Variants in RRM2B observed in about 807,000 individuals in gnomAD.
RRM2B encodes ribonucleotide reductase regulatory TP53 inducible subunit M2B, also known as ribonucleoside-diphosphate reductase subunit M2 B.
A neutral mutation model predicts 45.9 loss-of-function variants in RRM2B; 20 were observed. The observed-to-expected ratio is 0.44, with a 90% confidence interval of 0.31 to 0.63. The LOEUF (loss-of-function observed/expected upper bound fraction) is 0.63. Among genes scored for constraint, RRM2B ranks in the 30% least tolerant of loss-of-function variants. The probability of loss-of-function intolerance (pLI) is 0.09; values close to 1 mark genes in which losing one functional copy is unlikely to be tolerated. For missense variants in RRM2B, 320 were observed against 414.7 expected (o/e 0.77, Z 1.98); for synonymous variants, 124 against 132.3 (o/e 0.94, Z 0.43).
Position 102,232,294 on chromosome 8 carries a change from G to C in RRM2B, c.59C>G (p.Ser20Ter). ...CTTTATTTCACTTTCGTTGGTGTCTGAAGATGATCTCTTTGAAAAATAAAG... is the reference window on the plus strand; with the variant it reads ...CTTTATTTCACTTTCGTTGGTGTCTCAAGATGATCTCTTTGAAAAATAAAG... ...AGLDQDERSS[S>*]DTNESEIKSN... The change falls in exon 2 of 9, where the codon TCA becomes TGA. Residue 20 changes from serine to a stop codon, truncating the protein, a stop_gained. Transcript: ENST00000251810. LOFTEE classifies it high-confidence loss of function. The C allele has an allele frequency of 1.9e-6, 3 of 1,613,996 alleles. No homozygotes were observed. The highest frequency in any genetic ancestry group is 2.5e-6 in the Non-Finnish European group (3 of 1,179,884).
At chr8:102,225,244 T>C (rs984706466) in intron 3 of RRM2B, among the ~76,000 whole-genome samples, 8 of 144,174 alleles carry the variant, frequency 5.5e-5, no homozygotes, top group African/African-American at 1.8e-4. Context: ...TTTTTTTTTT[T>C]TTTTTTTTGA....
chr8:102,226,189 G>A (rs1810928824), intron 2 of RRM2B, among the ~76,000 whole-genome samples, 155 bp from the exon 3 acceptor site: 1 of 151,774 alleles, frequency 6.6e-6, no homozygotes, highest in Non-Finnish European at 1.5e-5. Flanking sequence ...AAAAAAAAAA[G>A]TTATGTTAAC....
chr8:102,238,490 G>A, intron 1 of RRM2B: 1 of 1,328,676 alleles, frequency 7.5e-7, no homozygotes, highest in South Asian at 1.3e-5. Context: ...GGTTTCCCTG[G>A]CCAGGGCTCC....
chr8:102,212,687 GT>G (rs1272827110), intron 8 of RRM2B, 88 bp downstream of exon 8: 2 of 752,422 alleles, frequency 2.7e-6, no homozygotes, highest in Non-Finnish European at 4.6e-6. Flanking sequence ...AGAATAGTAT[GT>G]TACAAATGCT....
chr8:102,236,679 G>A (rs72554094), intron 1 of RRM2B, among the ~76,000 whole-genome samples: 160 of 152,322 alleles, frequency 1.1e-3, no homozygotes, highest in African/African-American at 3.7e-3. Context: ...GGTAAGATAG[G>A]AGATAGAGAA....
intron 2 of RRM2B, among the ~76,000 whole-genome samples, chr8:102,226,995 C>T (rs958346741): frequency 6.6e-6 from 1 of 151,678 alleles, no homozygotes; most frequent in African/African-American, 2.4e-5. Context: ...ATTACAGGCA[C>T]GAGCCACCAC....
chr8:102,226,102 A>G, intron 2 of RRM2B, 68 bp from the exon 3 acceptor site: 1 of 916,106 alleles, frequency 1.1e-6, no homozygotes, highest in Non-Finnish European at 1.8e-6. Flanking sequence ...TTGGGAAACT[A>G]ACTTCTATTG....
In RRM2B at chr8:102,208,243, A is replaced by C; in HGVS notation, c.946T>G (p.Ser316Ala). ...ENPFDFMENI[S>A]LEGKTNFFEK... ...AAGAAATTTGTTTTTCCTTCTAAAG[A>C]AATGTTTTCCATAAAATCAAAAGGA... Residue 316 changes from serine to alanine, a missense_variant, in exon 9 of 9, where the codon TCT becomes GCT. Ser to Ala is a moderately conservative substitution (Grantham distance 99). Transcript: ENST00000251810. 2 of 1,591,364 alleles carry C rather than the reference A, an allele frequency of 1.3e-6. No individual in the cohort carries two copies. Among genetic ancestry groups the C allele is most frequent in the Non-Finnish European group, 1.7e-6 (2 of 1,160,174 alleles).
rs28703235 is a variant in RRM2B, at chr8:102,224,319, C to T, written c.456-179G>A. ...GCCTCAGCCTCCCGAGTAGCTAGGA[C>T]GACAGGTGCCCGCCACCACGCCCGG... On this transcript the variant is annotated intron_variant, in intron 4 of 8. Coordinates refer to ENST00000251810, the MANE Select transcript of RRM2B (RefSeq NM_015713.5). Among the ~76,000 whole-genome samples, 739 of 152,058 alleles carry T rather than the reference C, an allele frequency of 4.9e-3. 5 individuals carry two copies. Among genetic ancestry groups the T allele is most frequent in the Middle Eastern group, 0.02 (6 of 294 alleles).
At position 102,212,891 on chromosome 8, in the gene RRM2B, T is replaced by C. The variant is rs1441534206; in HGVS notation, c.790-2A>G. On this transcript the variant is annotated splice_acceptor_variant, in intron 7 of 8. Coordinates refer to ENST00000251810, the MANE Select transcript of RRM2B (RefSeq NM_015713.5). LOFTEE classifies it high-confidence loss of function. ...TGGCAAGGCTTCTGTTAAAAACTCC[T>C]GGGATGAAAACAAAAACAGAATAAA... 1 of 1,510,036 alleles carries C rather than the reference T, an allele frequency of 6.6e-7. No individual in the cohort carries two copies. The highest frequency in any genetic ancestry group is 9.2e-7 in the Non-Finnish European group (1 of 1,085,792). 93.5% of individuals were successfully genotyped at this position (1,510,036 alleles called of 1,614,324 possible).
chr8:102,224,810 G>C (rs1428330116), intron 4 of RRM2B, 75 bp downstream of exon 4: 3 of 1,364,092 alleles, frequency 2.2e-6, no homozygotes, highest in Non-Finnish European at 3.1e-6. Flanking sequence ...CCTTAACATT[G>C]AGTTTTGGAA....
chr8:102,215,045 TAAAAAAAA>T (rs3063793), intron 6 of RRM2B, among the ~76,000 whole-genome samples: 28 of 61,778 alleles, frequency 4.5e-4, no homozygotes, highest in Admixed American at 1.2e-3. Flanking sequence ...AGCTAAATAT[TAAAAAAAA>T]AAAAAAAAAA....
chr8:102,214,217 T>C (rs769210943), intron 6 of RRM2B, 59 bp from the exon 7 acceptor site: 2 of 1,146,610 alleles, frequency 1.7e-6, no homozygotes, highest in Non-Finnish European at 2.6e-6. Context: ...TTGCATATGG[T>C]GATGGGTCAA....
intron 8 of RRM2B, among the ~76,000 whole-genome samples, chr8:102,209,780 T>A (rs1377063105): frequency 6.6e-6 from 1 of 151,368 alleles, no homozygotes; most frequent in Non-Finnish European, 1.5e-5. Context: ...TACAGTGGAA[T>A]ATTATTTATT....
intron 1 of RRM2B, chr8:102,238,353 C>T (rs1324394562): frequency 1.9e-5 from 7 of 377,072 alleles, no homozygotes; most frequent in African/African-American, 4.2e-5. Context: ...TTCGTGTCCC[C>T]TTCTACCTGT....
chr8:102,212,474 A>AAT (rs764398168), intron 8 of RRM2B, among the ~76,000 whole-genome samples: 31 of 152,188 alleles, frequency 2.0e-4, no homozygotes, highest in Non-Finnish European at 4.1e-4. Context: ...TATGAGGGTG[A>AAT]ATATATATAT....
At chr8:102,225,832 C>T in intron 3 of RRM2B, 86 bp downstream of exon 3, 1 of 817,734 alleles carries the variant, frequency 1.2e-6, no homozygotes. Context: ...GACATCTTGT[C>T]TTTGGCTGAA....
intron 2 of RRM2B, among the ~76,000 whole-genome samples, chr8:102,227,352 C>T (rs566972183): frequency 3.9e-5 from 6 of 152,012 alleles, no homozygotes; most frequent in Non-Finnish European, 8.8e-5. Context: ...GTCTGGAGTG[C>T]GGTGGCACAA....
At chr8:102,208,376 T>TTGAGAAACCTGAC in intron 8 of RRM2B, 91 bp from the exon 9 acceptor site, 1 of 924,432 alleles carries the variant, frequency 1.1e-6, no homozygotes, top group Non-Finnish European at 1.7e-6. Flanking sequence ...AGGTCAGGTT[T>TTGAGAAACCTGAC]CTCAAAACCT....
Sources: gnomAD v4.1 joint callset for allele counts (sites outside exome capture counted in the v4.1 genomes callset) on GRCh38, gnomAD v4.1.1 for gene constraint, MANE v1.5 for transcripts, NCBI Gene and HGNC (gene_info 2026-07-23, HGNC 2026-07-21) for gene names.